Variants in ARHGEF7 observed in about 807,000 individuals in gnomAD.
ARHGEF7 encodes Rho guanine nucleotide exchange factor 7.
A neutral mutation model predicts 109.8 loss-of-function variants in ARHGEF7; 33 were observed. The ratio of observed to expected loss-of-function variants is 0.30; its 90% CI spans 0.23 to 0.40. The LOEUF (loss-of-function observed/expected upper bound fraction) is 0.40. ARHGEF7 is among the 10% of genes least tolerant of loss of function. ARHGEF7 has a pLI of 1.00. For missense variants in ARHGEF7, 938 were observed against 1,098.5 expected (o/e 0.85, Z 2.07); for synonymous variants, 458 against 424.6 (o/e 1.08, Z -0.97).
chr13:111,275,844 T>G, intron 12 of ARHGEF7, 166 bp downstream of exon 12: 1 of 836,386 alleles, frequency 1.2e-6, no homozygotes, highest in East Asian at 2.8e-5. Flanking sequence ...GCTTATGGCA[T>G]GTTAGAGAGG....
At position 111,137,740 on chromosome 13, in the gene ARHGEF7, A is replaced by T. The variant is rs370805703; in HGVS notation, c.166-16165A>T. On this transcript the variant is annotated intron_variant, in intron 1 of 21. Transcript: ENST00000646102. ...CAACAGAAGAGAAACAATCTCCATTAAGAGGCCAAGCTCAGGAGGTTTGTA... is the reference window on the plus strand; with the variant it reads ...CAACAGAAGAGAAACAATCTCCATTTAGAGGCCAAGCTCAGGAGGTTTGTA... 1.8e-3 allele frequency among the ~76,000 whole-genome samples: 276 copies of T among 152,308 alleles called. 2 individuals are homozygous for T. Among genetic ancestry groups the T allele is most frequent in the Middle Eastern group, 6.8e-3 (2 of 294 alleles).
At chr13:111,268,660 G>C (rs1051141226) in intron 9 of ARHGEF7, among the ~76,000 whole-genome samples, 4 of 152,156 alleles carry the variant, frequency 2.6e-5, no homozygotes, top group African/African-American at 9.7e-5. Flanking sequence ...ACTCGGCTCT[G>C]GCTGTGGCTG....
Position 111,241,065 on chromosome 13 carries a change from G to A in ARHGEF7, c.760-2807G>A, listed in dbSNP as rs147224026. 1.8e-3 allele frequency: 2,467 copies of A among 1,372,656 alleles called. 11 individuals carry two copies. Among genetic ancestry groups the A allele is most frequent in the Middle Eastern group, 0.01 (52 of 5,094 alleles). The allele number at this position is 1,372,656 out of a possible 1,614,324, so 85.0% of individuals were successfully genotyped here. On this transcript the variant is annotated intron_variant, in intron 6 of 21. Transcript: ENST00000646102. ...CCTCTTTGTTTTGCTGTGCTCTGAG[G>A]CGGGCAGCATAGGGATTGAGTGGCA...
In ARHGEF7 at chr13:111,299,100, T is replaced by A. The variant is rs144009417; in HGVS notation, c.2312-1648T>A. ...CTTGATTTTGTTCAGTCCCTGAATT[T>A]CCAGTTTCCCAGGGGTTCCATTCTG... On this transcript the variant is annotated intron_variant, in intron 19 of 21. Coordinates refer to ENST00000646102, the MANE Select transcript of ARHGEF7 (RefSeq NM_001354046.2). 7.8e-3 allele frequency among the ~76,000 whole-genome samples: 1,191 copies of A among 152,282 alleles called. 12 individuals carry two copies. The highest frequency in any genetic ancestry group is 0.027 in the African/African-American group (1,116 of 41,538).
chr13:111,298,055 C>T (rs2093465693), intron 19 of ARHGEF7, among the ~76,000 whole-genome samples: 1 of 152,210 alleles, frequency 6.6e-6, no homozygotes, highest in Non-Finnish European at 1.5e-5. Context: ...CAAAGCAGGA[C>T]AACTGGATAA....
At chr13:111,175,314 C>T (rs1274876813) in intron 2 of ARHGEF7, among the ~76,000 whole-genome samples, 1 of 152,198 alleles carries the variant, frequency 6.6e-6, no homozygotes, top group Non-Finnish European at 1.5e-5. Context: ...AACAGAATTC[C>T]TGGCGCTGAT....
chr13:111,254,686 G>C (rs1190632013), intron 8 of ARHGEF7, among the ~76,000 whole-genome samples: 6 of 14,878 alleles, frequency 4.0e-4, no homozygotes, highest in East Asian at 2.0e-3. Context: ...TGAAGGCCGG[G>C]CCCAGAAGAG....
At chr13:111,217,952 T>C (rs1320983668) in intron 5 of ARHGEF7, 72 bp downstream of exon 5, 1 of 1,413,836 alleles carries the variant, frequency 7.1e-7, no homozygotes, top group Non-Finnish European at 9.6e-7. Flanking sequence ...CTTGACATAG[T>C]GTTTACTCTC....
chr13:111,222,836 GT>G (rs1293396557), intron 5 of ARHGEF7, among the ~76,000 whole-genome samples: 5 of 152,334 alleles, frequency 3.3e-5, no homozygotes, highest in African/African-American at 9.6e-5. Flanking sequence ...ATTACATTCA[GT>G]ACAGCAGACT....
Position 111,243,913 on chromosome 13 carries a change from A to G in ARHGEF7, c.801A>G (p.Lys267=), listed in dbSNP as rs2088291577. 6.2e-7 allele frequency: 1 copy of G among 1,613,156 alleles called. No homozygotes were observed. Among genetic ancestry groups the G allele is most frequent in the East Asian group, 2.2e-5 (1 of 44,852 alleles). The change falls in exon 7 of 22, where the codon AAA becomes AAG. Residue 267 remains lysine (K), a synonymous_variant. Transcript: ENST00000646102. ...TAGAAACAGAAAATGAATATTCTAA[A>G]GAACTTCAGACTGTGCTTTCAACGT... is the stretch of plus-strand genomic sequence containing the variant. ...NILETENEYS[K]ELQTVLSTYL...
At chr13:111,205,166 C>T (rs537818812) in intron 2 of ARHGEF7, 123 bp from the exon 3 acceptor site, 18 of 663,940 alleles carry the variant, frequency 2.7e-5, no homozygotes, top group South Asian at 1.4e-4. Flanking sequence ...GTCTCCCTGT[C>T]GCAGGTTGTG....
chr13:111,254,259 TAAATC>T (rs1481395024), intron 8 of ARHGEF7, among the ~76,000 whole-genome samples: 3 of 152,240 alleles, frequency 2.0e-5, no homozygotes, highest in African/African-American at 7.2e-5. Context: ...TGTTTTTAAA[TAAATC>T]GGTTAACTGC....
At chr13:111,260,235 G>A (rs1463822211) in intron 8 of ARHGEF7, among the ~76,000 whole-genome samples, 2 of 152,146 alleles carry the variant, frequency 1.3e-5, no homozygotes, top group South Asian at 2.1e-4. Flanking sequence ...AGAGAGAAAG[G>A]TATCAATATT....
At chr13:111,166,609 A>G (rs1475814645) in intron 2 of ARHGEF7, among the ~76,000 whole-genome samples, 1 of 152,286 alleles carries the variant, frequency 6.6e-6, no homozygotes, top group African/African-American at 2.4e-5. Context: ...GAGATGATTT[A>G]CAGATGGACT....
chr13:111,236,931 C>G (rs1022768273), intron 6 of ARHGEF7, among the ~76,000 whole-genome samples: 8 of 152,180 alleles, frequency 5.3e-5, no homozygotes, highest in African/African-American at 1.4e-4. Context: ...CACCACTGCA[C>G]TTCCAGCCTG....
chr13:111,220,454 T>C lies in ARHGEF7; in HGVS notation c.670+2574T>C, dbSNP rs369070490. Among the ~76,000 whole-genome samples the C allele has an allele frequency of 5.9e-5, 9 of 152,334 alleles. No individual in the cohort carries two copies. In the South Asian group the frequency reaches 1.7e-3, roughly 28 times the overall value. On this transcript the variant is annotated intron_variant, in intron 5 of 21. Transcript: ENST00000646102. ...TGAGTGGGGTTTTACTTTTCATGTA[T>C]TTCTCCTTGTGGATTTTTTAGAAGT... is the stretch of plus-strand genomic sequence containing the variant.
In ARHGEF7 at chr13:111,145,291, G is replaced by A. The variant is rs142590410; in HGVS notation, c.166-8614G>A. Among the ~76,000 whole-genome samples, 6 of 152,260 alleles carry A rather than the reference G, an allele frequency of 3.9e-5. No homozygotes were observed. Among genetic ancestry groups the A allele is most frequent in the African/African-American group, 1.4e-4 (6 of 41,530 alleles). On this transcript the variant is annotated intron_variant, in intron 1 of 21. Transcript: ENST00000646102. This position sits in a 1 kb window ranked among gnomAD's most constrained non-coding sequence, Gnocchi z 4.3. ...CCGCCAGGAAGCTCTCCAGGTTAGG[G>A]CCAGGCAGAAAACAGATAGATGGCA...
chr13:111,244,328 G>A (rs769497337), intron 8 of ARHGEF7, 34 bp downstream of exon 8: 2 of 1,320,048 alleles, frequency 1.5e-6, no homozygotes, highest in South Asian at 1.3e-5. Flanking sequence ...CAACACTCAG[G>A]TTGGTATAAT....
chr13:111,257,466 T>G (rs1402149777), intron 8 of ARHGEF7, among the ~76,000 whole-genome samples: 1 of 152,264 alleles, frequency 6.6e-6, no homozygotes, highest in Non-Finnish European at 1.5e-5. Flanking sequence ...AAATATCATG[T>G]AATGATTTTG....
Sources: gnomAD v4.1 joint callset for allele counts (sites outside exome capture counted in the v4.1 genomes callset) on GRCh38, gnomAD v4.1.1 for gene constraint, Gnocchi (gnomAD v3.1) non-coding constraint, MANE v1.5 for transcripts, NCBI Gene and HGNC (gene_info 2026-07-23, HGNC 2026-07-21) for gene names.